EXD1: variants seen among roughly 807,000 people sequenced by gnomAD.
The protein encoded by EXD1 is exonuclease 3'-5' domain containing 1, also known as piRNA biogenesis protein EXD1.
A neutral mutation model predicts 49.1 loss-of-function variants in EXD1; 63 were observed. The observed-to-expected ratio is 1.28, with a 90% CI of 1.05 to 1.58. EXD1 has a LOEUF of 1.58. EXD1 is among the 40% of genes most tolerant of loss of function. The pLI, the probability that EXD1 is intolerant of heterozygous loss-of-function variation, is 0.00. For synonymous variants in EXD1, 234 were observed against 239.2 expected, an observed-to-expected ratio of 0.98 and a Z score of 0.20; for missense variants, 748 against 666.0, an observed-to-expected ratio of 1.12 and a Z score of -1.36.
chr15:41,212,869 T>C (rs1307419902), intron 6 of EXD1, among the ~76,000 whole-genome samples: 1 of 152,050 alleles, frequency 6.6e-6, no homozygotes, highest in Admixed American at 6.6e-5. Context: ...CGAGACGTTG[T>C]CTCTACAAAA....
At chr15:41,190,250 G>T in intron 10 of EXD1, 122 bp from the exon 11 acceptor site, 1 of 987,330 alleles carries the variant, frequency 1.0e-6, no homozygotes, top group Non-Finnish European at 1.6e-6. Context: ...TGAGGCAGGC[G>T]GATCACAAGG....
intron 6 of EXD1, among the ~76,000 whole-genome samples, chr15:41,211,203 C>T (rs1051397656): frequency 3.9e-5 from 6 of 152,016 alleles, no homozygotes; most frequent in South Asian, 4.2e-4. Flanking sequence ...CTTCGACCTC[C>T]GGGGCTTAGC....
At chr15:41,216,934 T>C in intron 4 of EXD1, 139 bp from the exon 5 acceptor site, 1 of 1,355,262 alleles carries the variant, frequency 7.4e-7, no homozygotes, top group South Asian at 1.4e-5. Context: ...TTACATTGAC[T>C]TGAGGGCGCT....
At chr15:41,220,822 C>G (rs1375003804) in intron 2 of EXD1, among the ~76,000 whole-genome samples, 1 of 152,162 alleles carries the variant, frequency 6.6e-6, no homozygotes, top group Non-Finnish European at 1.5e-5. Context: ...CTACTAGGAT[C>G]AAAGATCACC....
Position 41,193,999 on chromosome 15 carries a change from A to ATTTTTT in EXD1, c.720+1770_720+1775dup, listed in dbSNP as rs747194413. On this transcript the variant is annotated intron_variant, in intron 9 of 11. Transcript: ENST00000458580. The stretch of plus-strand genomic sequence containing the variant: ...TAGGCCCTAAATGGAATGACAAGTG[A>ATTTTTT]TTTTTTTTTTTTTTTTTTTTTTTTT... 4.9e-4 allele frequency among the ~76,000 whole-genome samples: 41 copies of ATTTTTT among 82,942 alleles called. 1 individual carries two copies. The highest frequency in any genetic ancestry group is 8.4e-4 in the Non-Finnish European group (38 of 45,484). 54.4% of individuals were successfully genotyped at this position (82,942 alleles called of 152,430 possible).
In EXD1 at chr15:41,230,691, G is replaced by C. The variant is rs1214251981; in HGVS notation, c.-266C>G. The C allele has an allele frequency of 3.7e-6, 3 of 801,700 alleles. No homozygotes were observed. Among genetic ancestry groups the C allele is most frequent in the Non-Finnish European group, 5.8e-6 (3 of 515,408 alleles). The allele number at this position is 801,700 out of a possible 1,614,324, so 49.7% of individuals were successfully genotyped here. On this transcript the variant is annotated 5_prime_UTR_variant, in exon 1 of 12. Transcript: ENST00000458580. ...ATCACAGGCTGAAAACCTGGAGAAA[G>C]GTCCGCGACGCCGGGGACACACGCC...
At chr15:41,225,642 G>A (rs1294055774) in intron 2 of EXD1, among the ~76,000 whole-genome samples, 2 of 151,602 alleles carry the variant, frequency 1.3e-5, no homozygotes, top group Non-Finnish European at 2.9e-5. Context: ...CAGCACTTTG[G>A]GGGACCGAGG....
rs1265011445 is a variant in EXD1, at chr15:41,226,544, C to T, written c.32G>A (p.Ser11Asn). ...TTTCACCCTCTTCCACAAAATCTGG[C>T]TGAGGAAATGGTAGTCACTGCTGGG... MDPSSDYHFL[S>N]QILWKRVKLT... Residue 11 changes from serine (S) to asparagine (N), a missense_variant, in exon 2 of 12, where the codon AGC becomes AAC. Physicochemically the swap from Ser to Asn is conservative, Grantham distance 46. Transcript: ENST00000458580. The T allele has an allele frequency of 2.6e-6, 4 of 1,535,930 alleles. No individual in the cohort carries two copies. Among genetic ancestry groups the T allele is most frequent in the Non-Finnish European group, 3.5e-6 (4 of 1,146,874 alleles).
chr15:41,214,030 A>G (rs889513540), intron 6 of EXD1, among the ~76,000 whole-genome samples: 2 of 152,046 alleles, frequency 1.3e-5, no homozygotes, highest in African/African-American at 4.8e-5. Context: ...AGCCGGGTGC[A>G]GTGGCAGGCG....
chr15:41,224,397 T>C (rs2047131990), intron 2 of EXD1, among the ~76,000 whole-genome samples: 1 of 152,182 alleles, frequency 6.6e-6, no homozygotes, highest in African/African-American at 2.4e-5. Flanking sequence ...TAAAAGTCTG[T>C]TTTAACTCAA....
rs539573586 is a variant in EXD1, at chr15:41,216,304, T to TAA, written c.388+362_388+363dup. On this transcript the variant is annotated intron_variant, in intron 5 of 11. Transcript: ENST00000458580. ...CCTAGTTGAATTTGACTGACCTGGT[T>TAA]AAAAAAAAAAAAAAGAGAGAGAGAG... Among the ~76,000 whole-genome samples, 31 of 137,558 alleles carry TAA rather than the reference T, an allele frequency of 2.3e-4. 1 individual carries two copies. Among genetic ancestry groups the TAA allele is most frequent in the East Asian group, 8.3e-4 (4 of 4,800 alleles). 90.2% of individuals were successfully genotyped at this position (137,558 alleles called of 152,430 possible).
intron 11 of EXD1, among the ~76,000 whole-genome samples, chr15:41,184,917 A>G (rs2046385119): frequency 6.6e-6 from 1 of 152,104 alleles, no homozygotes; most frequent in East Asian, 1.9e-4. Context: ...CGGCCTCCCA[A>G]AGTGCTGGGA....
In EXD1 at chr15:41,228,050, C is replaced by CA. The variant is rs1444929101; in HGVS notation, c.-53-1423dup. ...GGGAGACAAGAGTGAAACTCTGTCTCAAAAAACAAAACAAAACAAAAGAAG... is the reference window on the plus strand; with the variant it reads ...GGGAGACAAGAGTGAAACTCTGTCTCAAAAAAACAAAACAAAACAAAAGAAG... On this transcript the variant is annotated intron_variant, in intron 1 of 11. Transcript: ENST00000458580. Among the ~76,000 whole-genome samples, 3 of 152,156 alleles carry CA rather than the reference C, an allele frequency of 2.0e-5. No homozygotes were observed. In the East Asian group the frequency reaches 5.8e-4, roughly 29 times the overall value.
intron 11 of EXD1, among the ~76,000 whole-genome samples, chr15:41,186,774 C>CT (rs942023846): frequency 8.1e-5 from 12 of 147,686 alleles, no homozygotes; most frequent in Admixed American, 2.0e-4. Context: ...CCATATATTT[C>CT]TTTTTTTTTT....
At chr15:41,191,375 G>T in intron 10 of EXD1, 67 bp downstream of exon 10, 4 of 1,422,260 alleles carry the variant, frequency 2.8e-6, no homozygotes, top group Admixed American at 1.9e-5. Context: ...TACATAACAG[G>T]CTGATAATAC....
At chr15:41,217,066 T>C in intron 4 of EXD1, 31 bp downstream of exon 4, 1 of 1,593,062 alleles carries the variant, frequency 6.3e-7, no homozygotes, top group Non-Finnish European at 8.6e-7. Flanking sequence ...ATTTGGAAAA[T>C]ATCATAATTA....
intron 9 of EXD1, among the ~76,000 whole-genome samples, chr15:41,194,616 TGTG>T (rs2046581932): frequency 6.6e-6 from 1 of 152,208 alleles, no homozygotes; most frequent in Non-Finnish European, 1.5e-5. Context: ...CCACTAAATT[TGTG>T]GTGATTTGTT....
chr15:41,217,134 C>G lies in EXD1; in HGVS notation c.223G>C (p.Glu75Gln), dbSNP rs1240754963. 1.2e-6 allele frequency: 2 copies of G among 1,612,372 alleles called. No homozygotes were observed. The highest frequency in any genetic ancestry group is 1.7e-6 in the Non-Finnish European group (2 of 1,179,906). The change falls in exon 4 of 12, where the codon GAA (glutamate) becomes CAA (glutamine). Residue 75 changes from glutamate to glutamine, a missense_variant. Coordinates refer to ENST00000458580, the MANE Select transcript of EXD1 (RefSeq NM_001286441.2). ...IVNVELLDEV[E>Q]QGSVRAKASS... Reference sequence around the variant, plus strand: ...GCTTTTGCTCTCACTGAGCCTTGTTCCACTTCATCTAGTAGTTCCACTGTA... The same window carrying G: ...GCTTTTGCTCTCACTGAGCCTTGTTGCACTTCATCTAGTAGTTCCACTGTA...
Position 41,190,101 on chromosome 15 carries a change from G to T in EXD1, c.892C>A (p.Pro298Thr), listed in dbSNP as rs1156652756. The T allele has an allele frequency of 1.2e-6, 2 of 1,614,168 alleles. No homozygotes were observed. The highest frequency in any genetic ancestry group is 2.7e-5 in the African/African-American group (2 of 75,044). The change falls in exon 11 of 12, where the codon CCT becomes ACT. Residue 298 changes from proline to threonine, a missense_variant. Pro to Thr is a conservative substitution (Grantham distance 38). Coordinates refer to ENST00000458580, the MANE Select transcript of EXD1 (RefSeq NM_001286441.2). ...ATTTTCAGTAAAGAGGGTGAAACAG[G>T]TCGGATGAACCATACTTCTGGATTT... ...QENPEVWFIR[P>T]VSPSLLKILA...
Sources: allele counts gnomAD v4.1 joint callset (sites outside exome capture counted in the v4.1 genomes callset), GRCh38; gene constraint gnomAD v4.1.1; transcripts MANE v1.5; gene names NCBI Gene and HGNC (gene_info 2026-07-23, HGNC 2026-07-21).